Variants in SMG1 observed in about 807,000 individuals in gnomAD.
SMG1 encodes the protein serine/threonine-protein kinase SMG1.
In SMG1, 22 loss-of-function variants were observed where a neutral mutation model predicts 419.9. The ratio of observed to expected loss-of-function variants is 0.05; its 90% CI spans 0.04 to 0.07. The LOEUF (loss-of-function observed/expected upper bound fraction) is 0.07, where lower values mean the gene tolerates loss of function less well. SMG1 is among the 10% of genes least tolerant of loss of function. The pLI is 1.00. For synonymous variants in SMG1, 1,538 were observed against 1,553.5 expected (o/e 0.99, Z 0.23); for missense variants, 3,185 against 4,342.0 (o/e 0.73, Z 7.49).
At chr16:18,865,838 G>A (rs537086975) in intron 23 of SMG1, among the ~76,000 whole-genome samples, 2 of 151,938 alleles carry the variant, frequency 1.3e-5, no homozygotes, top group South Asian at 4.2e-4. Context: ...AATATTTTTT[G>A]TATTTTTAGT....
intron 58 of SMG1, chr16:18,815,913 G>C (rs926011629): frequency 1.0e-5 from 5 of 490,896 alleles, no homozygotes; most frequent in Admixed American, 3.7e-5. Flanking sequence ...TTACTTACTA[G>C]ACTATGTACA....
chr16:18,917,682 A>G (rs1056484832), intron 1 of SMG1, among the ~76,000 whole-genome samples: 2 of 150,824 alleles, frequency 1.3e-5, no homozygotes, highest in Non-Finnish European at 3.0e-5. Context: ...GGTTCCAGCA[A>G]TTCTCCTGCC....
chr16:18,890,116 T>C (rs1320075378), intron 5 of SMG1, among the ~76,000 whole-genome samples: 2 of 152,198 alleles, frequency 1.3e-5, no homozygotes, highest in Admixed American at 6.5e-5. Flanking sequence ...GGAATCACCA[T>C]AACAAGAAAT....
chr16:18,841,581 G>A lies in SMG1; in HGVS notation c.6680C>T (p.Ala2227Val). 1 of 1,613,796 alleles carries A rather than the reference G, an allele frequency of 6.2e-7. No homozygotes were observed. Residue 2227 changes from alanine to valine, a missense_variant, in exon 41 of 63, where the codon GCC becomes GTC. By Grantham distance (64) the Ala-to-Val change is moderately conservative (BLOSUM62 0). Around this residue, in one of 27 missense-constraint regions of SMG1, gnomAD observed 132 missense variants for 151.0 expected, o/e 0.87. Coordinates refer to ENST00000446231, the MANE Select transcript of SMG1 (RefSeq NM_015092.5). Reference sequence around the variant, plus strand: ...TTAATCAACCTTTTGTGCTTGTAAGGCAGCTTCCCGTTGTTGCCATCGTTT... The same window carrying A: ...TTAATCAACCTTTTGTGCTTGTAAGACAGCTTCCCGTTGTTGCCATCGTTT... ...LYKRWQQREA[A>V]LQAQKAQDSY...
At chr16:18,863,190 CAG>C (rs1172988972) in intron 25 of SMG1, among the ~76,000 whole-genome samples, 1 of 152,184 alleles carries the variant, frequency 6.6e-6, no homozygotes, top group Non-Finnish European at 1.5e-5. Flanking sequence ...GTGTCTGCAG[CAG>C]AGTGAGTGCT....
chr16:18,900,230 A>C, intron 1 of SMG1: 3 of 436,730 alleles, frequency 6.9e-6, no homozygotes, highest in African/African-American at 2.0e-5. Flanking sequence ...AAGAGGCTTA[A>C]TGTGGCAACC....
chr16:18,812,633 T>TATATACACAC (rs1555483955), intron 60 of SMG1, among the ~76,000 whole-genome samples: 69 of 132,950 alleles, frequency 5.2e-4, no homozygotes, highest in African/African-American at 1.4e-3. Flanking sequence ...TATATACACA[T>TATATACACAC]ATATATACAC....
intron 29 of SMG1, among the ~76,000 whole-genome samples, chr16:18,855,390 G>A (rs190131558): frequency 1.3e-3 from 196 of 152,134 alleles, no homozygotes; most frequent in Admixed American, 4.8e-3. Context: ...TACTCTCCCT[G>A]GACATCATCA....
At chr16:18,901,040 C>A (rs868361914) in intron 1 of SMG1, among the ~76,000 whole-genome samples, 2 of 151,760 alleles carry the variant, frequency 1.3e-5, no homozygotes, top group African/African-American at 4.8e-5. Context: ...TTATACAAAT[C>A]TCTTCTTGCA....
chr16:18,915,302 G>C (rs1350836350), intron 1 of SMG1, among the ~76,000 whole-genome samples: 1 of 151,988 alleles, frequency 6.6e-6, no homozygotes, highest in African/African-American at 2.4e-5. Flanking sequence ...TCTGTAAAAA[G>C]ATCTGGCCAC....
chr16:18,841,216 A>G (rs910391763), intron 41 of SMG1, among the ~76,000 whole-genome samples: 2 of 152,120 alleles, frequency 1.3e-5, no homozygotes, highest in African/African-American at 4.8e-5. Flanking sequence ...CCTGAGCAAC[A>G]TGGCAAAATC....
At chr16:18,881,246 C>T (rs2036382378) in intron 10 of SMG1, among the ~76,000 whole-genome samples, 1 of 151,752 alleles carries the variant, frequency 6.6e-6, no homozygotes, top group South Asian at 2.1e-4. Flanking sequence ...TATTTTATGT[C>T]TGAAGTAATG....
intron 30 of SMG1, 55 bp from the exon 31 acceptor site, chr16:18,853,922 G>C: frequency 6.8e-7 from 1 of 1,479,926 alleles, no homozygotes; most frequent in South Asian, 1.3e-5. Context: ...ATGATGGAGG[G>C]AGGCACTTGG....
rs745766003 is a variant in SMG1, at chr16:18,876,295, A to G, written c.1719T>C (p.Thr573=). The part of the protein sequence containing the change: ...TAYKLILGEM[T]CALNNLLHSL... ...TGTGTAGGAGGTTGTTTAGGGCACAAGTCATTTCTCCCAATATTAACTTAT... is the reference window on the plus strand; with the variant it reads ...TGTGTAGGAGGTTGTTTAGGGCACAGGTCATTTCTCCCAATATTAACTTAT... Residue 573 remains threonine (T), a synonymous_variant, in exon 13 of 63, where the codon ACT becomes ACC. Coordinates refer to ENST00000446231, the MANE Select transcript of SMG1 (RefSeq NM_015092.5). The G allele has an allele frequency of 6.2e-7, 1 of 1,611,794 alleles. No homozygotes were observed. The highest frequency in any genetic ancestry group is 1.3e-5 in the African/African-American group (1 of 74,990).
rs778999258 is a variant in SMG1 at position 18,833,064 on chromosome 16, G to C, written c.8668C>G (p.Leu2890Val). The C allele has an allele frequency of 6.2e-7, 1 of 1,613,866 alleles. No individual in the cohort carries two copies. The highest frequency in any genetic ancestry group is 8.5e-7 in the Non-Finnish European group (1 of 1,179,844). The change falls in exon 51 of 63, where the codon CTT becomes GTT. Residue 2890 changes from leucine to valine, a missense_variant. Leu to Val is a conservative substitution (Grantham distance 32). Coordinates refer to ENST00000446231, the MANE Select transcript of SMG1 (RefSeq NM_015092.5). The stretch of plus-strand genomic sequence containing the variant: ...ACGCCATCGGTGGTCTGCTCAATAA[G>C]ACCGTCCAGTTCATGCAGCATACTT... ...LESMLHELDG[L>V]IEQTTDGVPL...
intron 1 of SMG1, among the ~76,000 whole-genome samples, chr16:18,898,651 G>A (rs1263619683): frequency 6.6e-6 from 1 of 152,144 alleles, no homozygotes; most frequent in Non-Finnish European, 1.5e-5. Context: ...GTATGCCACA[G>A]TAAGCTCTTA....
At chr16:18,902,952 G>A (rs1381693744) in intron 1 of SMG1, among the ~76,000 whole-genome samples, 11 of 152,014 alleles carry the variant, frequency 7.2e-5, no homozygotes, top group Non-Finnish European at 1.6e-4. Flanking sequence ...AAGTAGCTGA[G>A]ACCACAGGCT....
rs754007738 is a variant in SMG1 at position 18,870,787 on chromosome 16, T to A, written c.2390+14A>T. ...TTAGGGTTAATGTCAAAAGACATGA[T>A]CTTAATTTCATACCTCTGTAAAAGA... On this transcript the variant is annotated intron_variant, in intron 17 of 62. Coordinates refer to ENST00000446231, the MANE Select transcript of SMG1 (RefSeq NM_015092.5). 6.9e-5 allele frequency: 107 copies of A among 1,548,782 alleles called. No individual in the cohort carries two copies. In the Admixed American group the frequency reaches 2.0e-3, roughly 29 times the overall value.
At chr16:18,817,554 T>C (rs1292070184) in intron 56 of SMG1, 84 bp from the exon 57 acceptor site, 2 of 1,107,282 alleles carry the variant, frequency 1.8e-6, no homozygotes. Flanking sequence ...GAAAAAATAC[T>C]ACTTCCTCAT....
Sources: allele counts gnomAD v4.1 joint callset (sites outside exome capture counted in the v4.1 genomes callset), GRCh38; gene constraint gnomAD v4.1.1; regional missense constraint gnomAD v4.1.1; transcripts MANE v1.5; gene names NCBI Gene and HGNC (gene_info 2026-07-23, HGNC 2026-07-21).